MKLN1: variants seen among roughly 807,000 people sequenced by gnomAD.
MKLN1 encodes the protein muskelin.
A neutral mutation model predicts 99.0 loss-of-function variants in MKLN1; 18 were observed. The ratio of observed to expected loss-of-function variants is 0.18; its 90% CI spans 0.13 to 0.27. The LOEUF is 0.27. Among genes scored for constraint, MKLN1 ranks in the 10% least tolerant of loss-of-function variants. The pLI is 1.00. For synonymous variants in MKLN1, 288 were observed against 293.2 expected (o/e 0.98, Z 0.18); for missense variants, 621 against 875.9 (o/e 0.71, Z 3.67).
At chr7:131,251,736 C>A (rs1261611540) in intron 3 of MKLN1, among the ~76,000 whole-genome samples, 1 of 150,814 alleles carries the variant, frequency 6.6e-6, no homozygotes, top group African/African-American at 2.4e-5. Context: ...ATGGTGTGAA[C>A]AAGACTCACT....
chr7:131,406,901 T>C (rs907140571), intron 6 of MKLN1, among the ~76,000 whole-genome samples: 7 of 152,096 alleles, frequency 4.6e-5, no homozygotes, highest in African/African-American at 1.7e-4. Flanking sequence ...TTAAATATTT[T>C]ATATTTGTTT....
chr7:131,380,131 G>A (rs1447786023), intron 2 of MKLN1, among the ~76,000 whole-genome samples: 1 of 152,158 alleles, frequency 6.6e-6, no homozygotes, highest in East Asian at 1.9e-4. Flanking sequence ...CCCTCACAGG[G>A]AGTGAAGTCC....
intron 1 of MKLN1, among the ~76,000 whole-genome samples, chr7:131,115,131 G>A (rs1795255020): frequency 6.6e-6 from 1 of 152,048 alleles, no homozygotes; most frequent in Admixed American, 6.6e-5. Context: ...AGGACTAAAG[G>A]GCAAGTAGGG....
At chr7:131,398,957 G>A (rs930839574) in intron 5 of MKLN1, among the ~76,000 whole-genome samples, 1 of 152,132 alleles carries the variant, frequency 6.6e-6, no homozygotes, top group Admixed American at 6.6e-5. Context: ...AGAAATAGAT[G>A]TTCTCCCTTT....
chr7:131,291,532 G>A (rs1038714861), intron 3 of MKLN1, among the ~76,000 whole-genome samples: 2 of 150,066 alleles, frequency 1.3e-5, no homozygotes, highest in Non-Finnish European at 3.0e-5. Flanking sequence ...TATATATAAT[G>A]CAGAATACAT....
At chr7:131,399,125 G>A (rs1020939532) in intron 5 of MKLN1, 116 bp from the exon 6 acceptor site, 6 of 863,590 alleles carry the variant, frequency 6.9e-6, no homozygotes, top group African/African-American at 5.2e-5. Context: ...AAACTGCTTG[G>A]CACATAGTGT....
At chr7:131,335,874 C>G (rs1030959318) in intron 1 of MKLN1, among the ~76,000 whole-genome samples, 5 of 151,814 alleles carry the variant, frequency 3.3e-5, no homozygotes, top group African/African-American at 1.2e-4. Flanking sequence ...TTTATGTACC[C>G]TTGAAAAGAC....
chr7:131,134,272 T>C (rs1795614472), intron 1 of MKLN1, among the ~76,000 whole-genome samples: 1 of 152,206 alleles, frequency 6.6e-6, no homozygotes, highest in Non-Finnish European at 1.5e-5. Flanking sequence ...CAGACCTCCC[T>C]CTGTCCCACT....
chr7:131,233,061 CG>C, intron 3 of MKLN1, among the ~76,000 whole-genome samples: 1 of 152,010 alleles, frequency 6.6e-6, no homozygotes, highest in Admixed American at 6.5e-5. Context: ...AAGTTTAGAC[CG>C]GGCATGGTGG....
chr7:131,465,741 G>A, intron 14 of MKLN1, among the ~76,000 whole-genome samples: 1 of 151,946 alleles, frequency 6.6e-6, no homozygotes, highest in East Asian at 1.9e-4. Context: ...GGGTTTCACA[G>A]TGTTCGCCAG....
intron 10 of MKLN1, among the ~76,000 whole-genome samples, chr7:131,440,443 G>A (rs1795805289): frequency 6.6e-6 from 1 of 152,142 alleles, no homozygotes; most frequent in South Asian, 2.1e-4. Context: ...CCTCTGTGAA[G>A]TTATCTGGTC....
At chr7:131,406,810 C>T (rs1794723024) in intron 6 of MKLN1, among the ~76,000 whole-genome samples, 1 of 152,018 alleles carries the variant, frequency 6.6e-6, no homozygotes, top group Non-Finnish European at 1.5e-5. Context: ...CTGTTATTAA[C>T]CAGCTTCCTT....
At chr7:131,316,925 A>G (rs1223147360) in intron 3 of MKLN1, among the ~76,000 whole-genome samples, 1 of 152,204 alleles carries the variant, frequency 6.6e-6, no homozygotes, top group East Asian at 1.9e-4. Context: ...ATGAAAAGGA[A>G]TGAACAAAGC....
chr7:131,440,097 A>G lies in MKLN1; in HGVS notation c.1173+2100A>G, dbSNP rs1795795663. Among the ~76,000 whole-genome samples, 7 of 152,340 alleles carry G rather than the reference A, an allele frequency of 4.6e-5. No homozygotes were observed. In the South Asian group the frequency reaches 1.4e-3, roughly 32 times the overall value. On this transcript the variant is annotated intron_variant, in intron 10 of 17. Coordinates refer to ENST00000352689, the MANE Select transcript of MKLN1 (RefSeq NM_013255.5). ...GTTGTATGTCACAGTGAGAAGTGTC[A>G]GGGACAGGGCACAAATTGCACCCAG... is the stretch of plus-strand genomic sequence containing the variant.
chr7:131,421,010 C>A (rs546741295), intron 8 of MKLN1, among the ~76,000 whole-genome samples: 112 of 152,190 alleles, frequency 7.4e-4, no homozygotes, highest in Non-Finnish European at 1.0e-3. Context: ...TGGTTATATT[C>A]GAACATATTT....
intron 2 of MKLN1, among the ~76,000 whole-genome samples, chr7:131,175,897 T>C (rs1360638154): frequency 1.6e-5 from 2 of 122,322 alleles, no homozygotes; most frequent in African/African-American, 5.7e-5. Context: ...GAGACTCCAC[T>C]CAAAAAAAAA....
intron 16 of MKLN1, chr7:131,471,849 G>C (rs1190252321): frequency 6.6e-6 from 1 of 152,170 alleles, no homozygotes; most frequent in African/African-American, 2.4e-5. Flanking sequence ...TCACTTTCAG[G>C]CTCCAGGTTC....
chr7:131,487,722 A>C lies in MKLN1; in HGVS notation c.2202A>C (p.Thr734=). 1 of 1,611,240 alleles carries C rather than the reference A, an allele frequency of 6.2e-7. No individual in the cohort carries two copies. ...PPKGNLVDLI[T]L ...AAGGCAACCTGGTAGACCTCATCACACTGTAACTGAAGAGTCACTGGACAC... is the reference window on the plus strand; with the variant it reads ...AAGGCAACCTGGTAGACCTCATCACCCTGTAACTGAAGAGTCACTGGACAC... Residue 734 remains threonine (T), a synonymous_variant, in exon 18 of 18, where the codon ACA becomes ACC. Transcript: ENST00000352689. The surrounding 1 kb of genome is among the most constrained non-coding windows in gnomAD (Gnocchi z 4.7).
rs531080931 is a variant in MKLN1, at chr7:131,376,334, A to C, written c.168+841A>C. Among the ~76,000 whole-genome samples, 262 of 132,448 alleles carry C rather than the reference A, an allele frequency of 2.0e-3. 2 individuals carry two copies. The highest frequency in any genetic ancestry group is 7.2e-3 in the African/African-American group (256 of 35,576). 86.9% of individuals were successfully genotyped at this position (132,448 alleles called of 152,430 possible). A position where few individuals can be genotyped will look rare whatever the true frequency, so the allele number is the denominator to read the frequency against. On this transcript the variant is annotated intron_variant, in intron 2 of 17. Transcript: ENST00000352689. ...AGCCTGGGCAACACAGAAACCTTTG[A>C]TCTATGTTAAAAAAAAAAAAAAAAA...
Sources: allele counts gnomAD v4.1 joint callset (sites outside exome capture counted in the v4.1 genomes callset), GRCh38; gene constraint gnomAD v4.1.1; non-coding constraint Gnocchi (gnomAD v3.1); transcripts MANE v1.5; gene names NCBI Gene and HGNC (gene_info 2026-07-23, HGNC 2026-07-21).